Variants in USP54 observed in about 807,000 individuals in gnomAD.
USP54 encodes the protein ubiquitin carboxyl-terminal hydrolase 54.
In USP54, 87 loss-of-function variants were observed where a neutral mutation model predicts 170.5. The ratio of observed to expected loss-of-function variants is 0.51; its 90% CI spans 0.43 to 0.61. USP54 has a LOEUF of 0.61. Ranked by LOEUF, USP54 falls within the 20% of genes least tolerant of loss-of-function variation. The probability of loss-of-function intolerance (pLI) is 0.00; values close to 1 mark genes in which losing one functional copy is unlikely to be tolerated. For missense variants in USP54, 1,786 were observed against 2,047.8 expected (o/e 0.87, Z 2.47); for synonymous variants, 655 against 742.8 (o/e 0.88, Z 1.92).
intron 1 of USP54, among the ~76,000 whole-genome samples, chr10:73,586,991 T>C (rs1161961502): frequency 6.6e-6 from 1 of 152,170 alleles, no homozygotes; most frequent in Non-Finnish European, 1.5e-5. Context: ...TTGTCTAAAA[T>C]TTGTTAAAAA....
chr10:73,580,019 A>G (rs921677194), intron 1 of USP54, among the ~76,000 whole-genome samples: 11 of 151,998 alleles, frequency 7.2e-5, no homozygotes, highest in African/African-American at 2.4e-4. Context: ...ACTCTCCTAC[A>G]TTGTTTATGG....
At chr10:73,514,453 T>G (rs2060727618) in intron 20 of USP54, among the ~76,000 whole-genome samples, 1 of 151,678 alleles carries the variant, frequency 6.6e-6, no homozygotes, top group African/African-American at 2.4e-5. Flanking sequence ...TCCCAGCTAC[T>G]CGGGAGGCTG....
At chr10:73,508,403 G>GAAAA (rs1243094191) in intron 20 of USP54, among the ~76,000 whole-genome samples, 1 of 74,926 alleles carries the variant, frequency 1.3e-5, no homozygotes, top group African/African-American at 4.2e-5. Context: ...TGAGAATCCA[G>GAAAA]AAAAAAAAAA....
Position 73,539,463 on chromosome 10 carries a change from T to C in USP54, c.956A>G (p.Asp319Gly), listed in dbSNP as rs752674597. ...QTKIRKWMYF[D>G]DAHVKEIGPK... is the part of the protein sequence containing the mutation. Reference sequence around the variant, plus strand: ...TCCTACCTCCTTGACATGAGCATCATCAAAATACATCCATTTGCGAATCTT... The same window carrying C: ...TCCTACCTCCTTGACATGAGCATCACCAAAATACATCCATTTGCGAATCTT... The change falls in exon 10 of 24, where the codon GAT becomes GGT. Residue 319 changes from aspartate to glycine, a missense_variant. By Grantham distance (94) the Asp-to-Gly change is moderately conservative. Coordinates refer to ENST00000687698, the MANE Select transcript of USP54 (RefSeq NM_001391956.1). 3.1e-6 allele frequency: 5 copies of C among 1,610,716 alleles called. No homozygotes were observed. The East Asian group carries it at 6.7e-5, about 22-fold the overall frequency.
chr10:73,504,764 C>A, intron 22 of USP54, 86 bp downstream of exon 22: 1 of 1,577,234 alleles, frequency 6.3e-7, no homozygotes, highest in Non-Finnish European at 8.7e-7. Flanking sequence ...ACAACCTTCA[C>A]TTTCTCCCTG....
chr10:73,598,291 A>AG (rs2078890685), intron 1 of USP54, among the ~76,000 whole-genome samples: 1 of 152,204 alleles, frequency 6.6e-6, no homozygotes, highest in South Asian at 2.1e-4. Context: ...CATATGCAAG[A>AG]GAAAAAGTTG....
chr10:73,567,313 C>T (rs1469993284), intron 4 of USP54, among the ~76,000 whole-genome samples: 1 of 152,190 alleles, frequency 6.6e-6, no homozygotes, highest in Non-Finnish European at 1.5e-5. Context: ...ATATTTACTG[C>T]ATATACTTTG....
At chr10:73,583,950 C>G (rs538492922) in intron 1 of USP54, among the ~76,000 whole-genome samples, 19 of 152,140 alleles carry the variant, frequency 1.2e-4, no homozygotes, top group Admixed American at 6.5e-4. Context: ...TCCAACTTTT[C>G]TATAAATTCA....
At chr10:73,587,197 G>A (rs946816580) in intron 1 of USP54, among the ~76,000 whole-genome samples, 4 of 151,150 alleles carry the variant, frequency 2.6e-5, no homozygotes, top group African/African-American at 9.7e-5. Flanking sequence ...CTGCAGGCCG[G>A]GTGCAGTGGC....
chr10:73,557,359 T>C (rs2071362244), intron 4 of USP54, among the ~76,000 whole-genome samples: 1 of 152,098 alleles, frequency 6.6e-6, no homozygotes, highest in Admixed American at 6.6e-5. Context: ...TCTTGCTCTG[T>C]CACCCAGGCA....
At chr10:73,623,937 A>G (rs2081275369) in intron 1 of USP54, among the ~76,000 whole-genome samples, 1 of 151,932 alleles carries the variant, frequency 6.6e-6, no homozygotes, top group East Asian at 1.9e-4. Flanking sequence ...CTTACACAGT[A>G]CTTTACACAT....
chr10:73,603,639 T>G (rs1220105269), intron 1 of USP54, among the ~76,000 whole-genome samples: 1 of 151,830 alleles, frequency 6.6e-6, no homozygotes, highest in East Asian at 1.9e-4. Context: ...TGCCAGCTGC[T>G]TGGGAAGCTG....
At position 73,557,910 on chromosome 10, in the gene USP54, T is replaced by G. The variant is rs187229410; in HGVS notation, c.241-12238A>C. Among the ~76,000 whole-genome samples, 33 of 125,128 alleles carry G rather than the reference T, an allele frequency of 2.6e-4. No homozygotes were observed. The East Asian group carries it at 8.7e-3, about 33-fold the overall frequency. The allele number at this position is 125,128 out of a possible 152,430, so 82.1% of individuals were successfully genotyped here. On this transcript the variant is annotated intron_variant, in intron 4 of 23. Transcript: ENST00000687698. ...TTTTTTTTTTTTTTTTGAGATGGAGTCTTGCTCTGTTGCCCAGGCTGGAGT... is the reference window on the plus strand; with the variant it reads ...TTTTTTTTTTTTTTTTGAGATGGAGGCTTGCTCTGTTGCCCAGGCTGGAGT...
chr10:73,523,168 C>G (rs745406860), intron 17 of USP54, among the ~76,000 whole-genome samples: 3 of 152,148 alleles, frequency 2.0e-5, no homozygotes, highest in Admixed American at 1.3e-4. Flanking sequence ...GTTCTTGCTC[C>G]TGTTTGGCAG....
At chr10:73,605,555 C>T (rs1244863407) in intron 1 of USP54, among the ~76,000 whole-genome samples, 2 of 152,016 alleles carry the variant, frequency 1.3e-5, no homozygotes, top group Admixed American at 6.6e-5. Context: ...TAATTGTATA[C>T]CCATGTTCAT....
At position 73,526,693 on chromosome 10, in the gene USP54, G is replaced by T; in HGVS notation, c.2148C>A (p.Asp716Glu). The T allele has an allele frequency of 6.2e-7, 1 of 1,614,204 alleles. No individual in the cohort carries two copies. The highest frequency in any genetic ancestry group is 1.6e-4 in the Middle Eastern group (1 of 6,062). The change falls in exon 16 of 24, where the codon GAC becomes GAA. Residue 716 changes from aspartate to glutamate, a missense_variant. Transcript: ENST00000687698. ...TCCAGCCACCCATGGATGCTGTGGA[G>T]TCTACCTCCAGGATGCTACTGCTGT... ...KSHSSSILEV[D>E]STASMGGWTK...
chr10:73,524,168 A>C (rs986489120), intron 16 of USP54, among the ~76,000 whole-genome samples: 1 of 151,342 alleles, frequency 6.6e-6, no homozygotes, highest in African/African-American at 2.4e-5. Context: ...GGCCTCCCAA[A>C]GTGCTGGGAT....
chr10:73,517,178 A>G lies in USP54; in HGVS notation c.3248T>C (p.Val1083Ala). The G allele has an allele frequency of 6.2e-7, 1 of 1,614,224 alleles. No homozygotes were observed. Among genetic ancestry groups the G allele is most frequent in the Middle Eastern group, 1.6e-4 (1 of 6,062 alleles). The change falls in exon 20 of 24, where the codon GTG (valine) becomes GCG (alanine). Residue 1083 changes from valine (V) to alanine (A), a missense_variant. By Grantham distance (64) the Val-to-Ala change is moderately conservative (BLOSUM62 0). Coordinates refer to ENST00000687698, the MANE Select transcript of USP54 (RefSeq NM_001391956.1). ...CTGCACAGGATCAGGACAGTGAAGC[A>G]CAAATGAAGAAGCAACAGGCATTAT... is the stretch of plus-strand genomic sequence containing the variant. ...HPIMPVASSF[V>A]LHCPDPVQKT...
At chr10:73,587,253 C>G (rs2077603512) in intron 1 of USP54, among the ~76,000 whole-genome samples, 1 of 152,018 alleles carries the variant, frequency 6.6e-6, no homozygotes, top group African/African-American at 2.4e-5. Context: ...GCAAGTAGAT[C>G]ACAAGGTCAG....
Sources: allele counts gnomAD v4.1 joint callset (sites outside exome capture counted in the v4.1 genomes callset), GRCh38; gene constraint gnomAD v4.1.1; transcripts MANE v1.5; gene names NCBI Gene and HGNC (gene_info 2026-07-23, HGNC 2026-07-21).